The following SBF2 variants were observed in gnomAD, a reference collection of about 807,000 sequenced individuals.
The protein encoded by SBF2 is myotubularin-related protein 13.
A neutral mutation model predicts 225.2 loss-of-function variants in SBF2; 112 were observed. That is an observed-to-expected ratio of 0.50 (90% CI 0.43 to 0.58). The LOEUF (loss-of-function observed/expected upper bound fraction) is 0.58. SBF2 is among the 20% of genes least tolerant of loss of function. The pLI is 0.00. For synonymous variants in SBF2, 763 were observed against 773.3 expected (o/e 0.99, Z 0.22); for missense variants, 1,996 against 2,206.2 (o/e 0.90, Z 1.91).
At chr11:10,057,257 C>T (rs1429664440) in intron 2 of SBF2, among the ~76,000 whole-genome samples, 1 of 152,186 alleles carries the variant, frequency 6.6e-6, no homozygotes, top group Non-Finnish European at 1.5e-5. Flanking sequence ...CCTGAGCCTC[C>T]AGCCACCCCC....
intron 2 of SBF2, among the ~76,000 whole-genome samples, chr11:10,095,433 T>C (rs7951624): frequency 0.011 from 1,709 of 152,152 alleles, 34 homozygotes; most frequent in African/African-American, 0.039. Context: ...AACATAGAAA[T>C]ACTTTAATGA....
At chr11:10,081,897 G>A (rs1951381974) in intron 2 of SBF2, among the ~76,000 whole-genome samples, 1 of 151,372 alleles carries the variant, frequency 6.6e-6, no homozygotes, top group South Asian at 2.1e-4. Context: ...CAAATAGAAA[G>A]AAATTGAGAC....
At chr11:9,837,371 A>T (rs952349955) in intron 26 of SBF2, among the ~76,000 whole-genome samples, 29 of 152,244 alleles carry the variant, frequency 1.9e-4, no homozygotes, top group African/African-American at 6.3e-4. Context: ...AAAATACAGA[A>T]TTTACATAAA....
chr11:9,816,794 C>T (rs1854479338), intron 29 of SBF2, 46 bp downstream of exon 29: 5 of 1,579,794 alleles, frequency 3.2e-6, no homozygotes, highest in Admixed American at 3.4e-5. Context: ...TATCAACAGC[C>T]CTAGCGTATC....
intron 11 of SBF2, 33 bp from the exon 12 acceptor site, chr11:9,992,576 A>T (rs773408863): frequency 6.2e-7 from 1 of 1,603,562 alleles, no homozygotes; most frequent in African/African-American, 1.3e-5. Context: ...ATAATAATTT[A>T]TCACTTGGTA....
In SBF2 at chr11:10,026,067, T is replaced by C. The variant is rs148644380; in HGVS notation, c.619+2385A>G. On this transcript the variant is annotated intron_variant, in intron 6 of 39. Coordinates refer to ENST00000256190, the MANE Select transcript of SBF2 (RefSeq NM_030962.4). ...TTTCCAGTGGGAATGCTAATTGTAT[T>C]GGGGGTAAAAATGCTTCTGGCACCT... Among the ~76,000 whole-genome samples, 25 of 151,878 alleles carry C rather than the reference T, an allele frequency of 1.6e-4. 1 individual carries two copies. The East Asian group carries it at 4.8e-3, about 29-fold the overall frequency.
In SBF2 at chr11:10,272,108, C is replaced by T. The variant is rs1424965363; in HGVS notation, c.55+21907G>A. 11 of 1,139,796 alleles carry T rather than the reference C, an allele frequency of 9.7e-6. 4 individuals carry two copies. In the Admixed American group the frequency reaches 2.0e-4, roughly 21 times the overall value. 70.6% of individuals were successfully genotyped at this position (1,139,796 alleles called of 1,614,324 possible). The stretch of plus-strand genomic sequence containing the variant: ...GAAGGGGTTACTTCCAGCTGGAACA[C>T]CCACCAGCAGGGCATCCTTGCAGGC... On this transcript the variant is annotated intron_variant, in intron 1 of 39. Coordinates refer to ENST00000256190, the MANE Select transcript of SBF2 (RefSeq NM_030962.4).
chr11:9,836,881 GTAA>G (rs1243093805), intron 26 of SBF2, among the ~76,000 whole-genome samples: 2 of 152,022 alleles, frequency 1.3e-5, no homozygotes, highest in African/African-American at 4.8e-5. Flanking sequence ...ATTTCATTTT[GTAA>G]TAATGTTTTT....
chr11:9,848,514 C>T (rs1181428217), intron 22 of SBF2, among the ~76,000 whole-genome samples: 1 of 151,918 alleles, frequency 6.6e-6, no homozygotes, highest in Non-Finnish European at 1.5e-5. Context: ...TTTAAATGAC[C>T]ACATAAGCAA....
chr11:10,131,243 A>T (rs966605591), intron 2 of SBF2, among the ~76,000 whole-genome samples: 49 of 138,932 alleles, frequency 3.5e-4, no homozygotes, highest in African/African-American at 1.1e-3. Flanking sequence ...TTTTTTTTTT[A>T]AAGATAGGGT....
intron 26 of SBF2, among the ~76,000 whole-genome samples, chr11:9,833,244 G>C (rs1855506382): frequency 6.6e-6 from 1 of 152,134 alleles, no homozygotes. Context: ...AGCTTATAAA[G>C]TTACAGGATA....
Position 9,787,637 on chromosome 11 carries a change from A to G in SBF2, c.5034T>C (p.Asp1678=), listed in dbSNP as rs771306445. ...TVDLKEEPRT[D]RSQRHLSRSP... ...TCAAGGGGCATTGCCAACTCACGCG[A>G]TCTGTTCTTGGTTCTTCTTTAAGGT... Residue 1678 remains aspartate, a synonymous_variant, in exon 36 of 40, where the codon GAT becomes GAC. Coordinates refer to ENST00000256190, the MANE Select transcript of SBF2 (RefSeq NM_030962.4). 11 of 1,613,842 alleles carry G rather than the reference A, an allele frequency of 6.8e-6. No homozygotes were observed. Among genetic ancestry groups the G allele is most frequent in the Non-Finnish European group, 8.5e-6 (10 of 1,179,800 alleles).
intron 1 of SBF2, among the ~76,000 whole-genome samples, chr11:10,232,295 G>C (rs1958890183): frequency 1.3e-5 from 2 of 152,170 alleles, no homozygotes; most frequent in African/African-American, 4.8e-5. Context: ...CTCACGCTCG[G>C]TGCGCTGCAC....
intron 22 of SBF2, among the ~76,000 whole-genome samples, chr11:9,849,046 C>G (rs758977000): frequency 6.6e-6 from 1 of 152,212 alleles, no homozygotes; most frequent in Non-Finnish European, 1.5e-5. Context: ...AAGGCACTTT[C>G]GTGACCATTT....
At chr11:10,195,434 T>C (rs1236220881) in intron 1 of SBF2, among the ~76,000 whole-genome samples, 1 of 152,228 alleles carries the variant, frequency 6.6e-6, no homozygotes, top group Non-Finnish European at 1.5e-5. Flanking sequence ...ATTCTTGCTA[T>C]AGTTTTTTAA....
At chr11:10,133,256 CGT>C (rs1320420027) in intron 2 of SBF2, among the ~76,000 whole-genome samples, 10,210 of 149,048 alleles carry the variant, frequency 0.069, 847 homozygotes, top group Middle Eastern at 0.15. Flanking sequence ...GTGGATCCCG[CGT>C]AGGGGCTGCA....
intron 36 of SBF2, among the ~76,000 whole-genome samples, chr11:9,787,255 C>T (rs769614729): frequency 6.6e-6 from 1 of 152,178 alleles, no homozygotes; most frequent in Non-Finnish European, 1.5e-5. Flanking sequence ...CTGTGAACAA[C>T]ACAGGGTAGC....
At position 10,059,804 on chromosome 11, in the gene SBF2, C is replaced by G. The variant is rs535177999; in HGVS notation, c.142-16823G>C. On this transcript the variant is annotated intron_variant, in intron 2 of 39. Coordinates refer to ENST00000256190, the MANE Select transcript of SBF2 (RefSeq NM_030962.4). Reference sequence around the variant, plus strand: ...TTTGGGGTAAATAATGAAATTGAGGCAGAAATAAAGAAGTTCTTTAAAATT... The same window carrying G: ...TTTGGGGTAAATAATGAAATTGAGGGAGAAATAAAGAAGTTCTTTAAAATT... Among the ~76,000 whole-genome samples, 4 of 152,206 alleles carry G rather than the reference C, an allele frequency of 2.6e-5. No individual in the cohort carries two copies. In the East Asian group the frequency reaches 7.7e-4, roughly 29 times the overall value.
At chr11:9,799,240 T>G (rs938933515) in intron 32 of SBF2, among the ~76,000 whole-genome samples, 2 of 152,200 alleles carry the variant, frequency 1.3e-5, no homozygotes, top group African/African-American at 4.8e-5. Context: ...AATGCTTTCG[T>G]AGCCCAGTAT....
Sources: gnomAD v4.1 joint callset for allele counts (sites outside exome capture counted in the v4.1 genomes callset) on GRCh38, gnomAD v4.1.1 for gene constraint, MANE v1.5 for transcripts, NCBI Gene and HGNC (gene_info 2026-07-23, HGNC 2026-07-21) for gene names.